The following CREB1 variants were observed in gnomAD, a reference collection of about 807,000 sequenced individuals.
The protein encoded by CREB1 is cyclic AMP-responsive element-binding protein 1.
In CREB1, 2 loss-of-function variants were observed where a neutral mutation model predicts 42.0. The observed-to-expected ratio is 0.05, with a 90% CI of 0.02 to 0.15. The LOEUF (loss-of-function observed/expected upper bound fraction) is 0.15, where lower values mean the gene tolerates loss of function less well. Ranked by LOEUF, CREB1 falls within the 10% of genes least tolerant of loss-of-function variation. The pLI, the probability that CREB1 is intolerant of heterozygous loss-of-function variation, is 1.00. For synonymous variants in CREB1, 123 were observed against 139.9 expected, an observed-to-expected ratio of 0.88 and a Z score of 0.85; for missense variants, 199 against 388.9, an observed-to-expected ratio of 0.51 and a Z score of 4.11.
chr2:207,557,524 A>G (rs2081778006), intron 2 of CREB1, among the ~76,000 whole-genome samples: 1 of 152,168 alleles, frequency 6.6e-6, no homozygotes, highest in Non-Finnish European at 1.5e-5. Context: ...TACTAAAAAT[A>G]CAAAAAAATT....
At chr2:207,536,160 A>T (rs995035412) in intron 1 of CREB1, among the ~76,000 whole-genome samples, 1 of 152,240 alleles carries the variant, frequency 6.6e-6, no homozygotes, top group African/African-American at 2.4e-5. Flanking sequence ...TATCTTTAAA[A>T]TGTACACACT....
intron 1 of CREB1, among the ~76,000 whole-genome samples, chr2:207,530,586 C>T (rs1418336634): frequency 6.8e-6 from 1 of 147,264 alleles, no homozygotes; most frequent in Non-Finnish European, 1.5e-5. Flanking sequence ...CTCGTCCGGC[C>T]CCCGCCGCCC....
chr2:207,577,760 T>A (rs535472850), intron 7 of CREB1, 105 bp downstream of exon 7: 3 of 1,273,672 alleles, frequency 2.4e-6, no homozygotes, highest in Non-Finnish European at 3.2e-6. Flanking sequence ...TTGCATTGAA[T>A]TTTTTTTTTC....
chr2:207,603,908 C>A lies in CREB1; in HGVS notation c.*6850C>A, dbSNP rs933449932. 1.3e-5 allele frequency among the ~76,000 whole-genome samples: 2 copies of A among 152,178 alleles called. No individual in the cohort carries two copies. Among genetic ancestry groups the A allele is most frequent in the Admixed American group, 1.3e-4 (2 of 15,276 alleles). On this transcript the variant is annotated 3_prime_UTR_variant, in exon 8 of 8. Coordinates refer to ENST00000353267, the MANE Select transcript of CREB1 (RefSeq NM_004379.5). ...TGAAATAAGTTCTGAGACGAGACAT[C>A]TGAAAATAAGCAGCTGCATTATTTG...
At chr2:207,571,283 A>G (rs954973394) in intron 5 of CREB1, among the ~76,000 whole-genome samples, 3 of 152,120 alleles carry the variant, frequency 2.0e-5, no homozygotes, top group African/African-American at 7.2e-5. Context: ...GCCAAAGTGG[A>G]AGGATCACTT....
At position 207,584,009 on chromosome 2, in the gene CREB1, T is replaced by G. The variant is rs570536416; in HGVS notation, c.839+6354T>G. Among the ~76,000 whole-genome samples the G allele has an allele frequency of 9.8e-5, 15 of 152,328 alleles. No homozygotes were observed. The South Asian group carries it at 3.1e-3, about 32-fold the overall frequency. ...TTATTGATTTTGTTGCATGAATCAG[T>G]AGTTGGGACTTATCCCAGATAATTC... On this transcript the variant is annotated intron_variant, in intron 7 of 7. Coordinates refer to ENST00000353267, the MANE Select transcript of CREB1 (RefSeq NM_004379.5).
chr2:207,593,765 C>G (rs2085548984), intron 7 of CREB1, among the ~76,000 whole-genome samples: 2 of 142,878 alleles, frequency 1.4e-5, no homozygotes, highest in Admixed American at 7.3e-5. Flanking sequence ...ATCACCCAGG[C>G]TGGAGTGCAG....
chr2:207,565,050 T>C (rs1165485904), intron 3 of CREB1, among the ~76,000 whole-genome samples: 1 of 152,030 alleles, frequency 6.6e-6, no homozygotes, highest in Non-Finnish European at 1.5e-5. Flanking sequence ...TTTTTTTTTT[T>C]TAACATCAGT....
At chr2:207,531,872 G>A (rs1255256107) in intron 1 of CREB1, among the ~76,000 whole-genome samples, 2 of 152,124 alleles carry the variant, frequency 1.3e-5, no homozygotes, top group Non-Finnish European at 2.9e-5. Flanking sequence ...CTCTTTAAAA[G>A]ACCACATTGG....
At chr2:207,545,317 C>T (rs1257267695) in intron 1 of CREB1, among the ~76,000 whole-genome samples, 3 of 152,272 alleles carry the variant, frequency 2.0e-5, no homozygotes, top group Admixed American at 2.0e-4. Context: ...AAGTGATTCT[C>T]CTGCCTCAGC....
chr2:207,576,911 C>CAA, intron 6 of CREB1: 1 of 900,158 alleles, frequency 1.1e-6, no homozygotes, highest in African/African-American at 1.8e-5. Context: ...AAAAATAAAA[C>CAA]TTCAGTTTAT....
rs180685015 is a variant in CREB1, at chr2:207,599,527, T to A, written c.*2469T>A. ...GTGAGCTGGATGAATTTATAAGTTA[T>A]AAAGACCTTATCCTTCATACCTTGA... On this transcript the variant is annotated 3_prime_UTR_variant, in exon 8 of 8. Coordinates refer to ENST00000353267, the MANE Select transcript of CREB1 (RefSeq NM_004379.5). 2.5e-5 allele frequency: 5 copies of A among 196,686 alleles called. No individual in the cohort carries two copies. The highest frequency in any genetic ancestry group is 2.4e-4 in the Admixed American group (4 of 16,502). 12.2% of individuals were successfully genotyped at this position (196,686 alleles called of 1,614,324 possible).
In CREB1 at chr2:207,567,717, T is replaced by G. The variant is rs1004471494; in HGVS notation, c.362+154T>G. Reference sequence around the variant, plus strand: ...TATTTGTCTCAAATAAAGTGGAAGCTTATCCTACAGAATAAGAAGAGCACT... The same window carrying G: ...TATTTGTCTCAAATAAAGTGGAAGCGTATCCTACAGAATAAGAAGAGCACT... On this transcript the variant is annotated intron_variant, in intron 4 of 7. Coordinates refer to ENST00000353267, the MANE Select transcript of CREB1 (RefSeq NM_004379.5). 19 of 501,024 alleles carry G rather than the reference T, an allele frequency of 3.8e-5. No individual in the cohort carries two copies. In the South Asian group the frequency reaches 5.1e-4, roughly 13 times the overall value. 31.0% of individuals were successfully genotyped at this position (501,024 alleles called of 1,614,324 possible). A position where few individuals can be genotyped will look rare whatever the true frequency, so the allele number is the denominator to read the frequency against.
intron 3 of CREB1, among the ~76,000 whole-genome samples, chr2:207,563,020 TAGG>T (rs1021638550): frequency 6.6e-6 from 1 of 152,126 alleles, no homozygotes; most frequent in African/African-American, 2.4e-5. Flanking sequence ...TGTGTCAGGT[TAGG>T]AGAATTAACG....
intron 1 of CREB1, among the ~76,000 whole-genome samples, chr2:207,543,299 G>T (rs191759463): frequency 2.9e-4 from 44 of 152,230 alleles, no homozygotes; most frequent in African/African-American, 8.4e-4. Flanking sequence ...AGGCCCAGTT[G>T]TAACTATGAT....
intron 1 of CREB1, among the ~76,000 whole-genome samples, chr2:207,552,204 G>T (rs1453638872): frequency 6.6e-6 from 1 of 152,026 alleles, no homozygotes; most frequent in Non-Finnish European, 1.5e-5. Flanking sequence ...GAGGGAAGAG[G>T]ATGAAAAACA....
intron 1 of CREB1, among the ~76,000 whole-genome samples, chr2:207,555,127 C>T (rs971540098): frequency 2.6e-5 from 4 of 151,466 alleles, no homozygotes; most frequent in Non-Finnish European, 5.9e-5. Context: ...CACTAGTAAT[C>T]ACTTTTAGAA....
intron 7 of CREB1, chr2:207,581,464 A>G (rs1378790868): frequency 5.0e-6 from 1 of 201,638 alleles, no homozygotes; most frequent in East Asian, 7.8e-5. Context: ...TTATTATTAC[A>G]CAAGTAAAAC....
rs1345034210 is a variant in CREB1, at chr2:207,599,273, T to C, written c.*2215T>C. ...TAGATATGTCATTTTTAAAAACTGG[T>C]TTAACAGAAATCAAGCAAAGTCACA... On this transcript the variant is annotated 3_prime_UTR_variant, in exon 8 of 8. Transcript: ENST00000353267. The C allele has an allele frequency of 1.5e-5, 3 of 205,082 alleles. No homozygotes were observed. Among genetic ancestry groups the C allele is most frequent in the African/African-American group, 2.3e-5 (1 of 43,744 alleles). 12.7% of individuals were successfully genotyped at this position (205,082 alleles called of 1,614,324 possible).
Sources: allele counts gnomAD v4.1 joint callset (sites outside exome capture counted in the v4.1 genomes callset), GRCh38; gene constraint gnomAD v4.1.1; transcripts MANE v1.5; gene names NCBI Gene and HGNC (gene_info 2026-07-23, HGNC 2026-07-21).